The following NCKAP5 variants were observed in gnomAD, a reference collection of about 807,000 sequenced individuals.
NCKAP5 encodes the protein NCK associated protein 5, also known as nck-associated protein 5.
Under a neutral mutation model 167.0 loss-of-function variants are expected in NCKAP5, and 92 were observed. The observed-to-expected ratio is 0.55, with a 90% CI of 0.47 to 0.66. The LOEUF (loss-of-function observed/expected upper bound fraction) is 0.66. Among genes scored for constraint, NCKAP5 ranks in the 30% least tolerant of loss-of-function variants. The pLI, the probability that NCKAP5 is intolerant of heterozygous loss-of-function variation, is 0.00. For missense variants in NCKAP5, 2,378 were observed against 2,315.0 expected, an observed-to-expected ratio of 1.03 and a Z score of -0.56; for synonymous variants, 891 against 877.4, an observed-to-expected ratio of 1.02 and a Z score of -0.27.
chr2:133,030,661 AT>A (rs1250096959), intron 6 of NCKAP5, among the ~76,000 whole-genome samples: 5 of 152,174 alleles, frequency 3.3e-5, no homozygotes, highest in Non-Finnish European at 7.4e-5. Flanking sequence ...TGCAAATATT[AT>A]TTTTTATCAT....
At chr2:132,828,357 G>C (rs1687281200) in intron 11 of NCKAP5, among the ~76,000 whole-genome samples, 1 of 152,090 alleles carries the variant, frequency 6.6e-6, no homozygotes, top group Non-Finnish European at 1.5e-5. Context: ...GGATCAAGGG[G>C]GTGGATTTTC....
chr2:132,974,418 T>C (rs1444878868), intron 7 of NCKAP5, among the ~76,000 whole-genome samples: 2 of 152,192 alleles, frequency 1.3e-5, no homozygotes, highest in Non-Finnish European at 2.9e-5. Context: ...GTATAACATC[T>C]CAGGGTTAAA....
chr2:133,574,510 GC>G, the NCKAP5 span, among the ~76,000 whole-genome samples: 2 of 152,014 alleles, frequency 1.3e-5, no homozygotes, highest in Admixed American at 6.5e-5. Flanking sequence ...TGTTGAGAAA[GC>G]TTTTTAGTTA....
At chr2:133,352,748 C>A (rs1684455090) in intron 3 of NCKAP5, among the ~76,000 whole-genome samples, 1 of 152,144 alleles carries the variant, frequency 6.6e-6, no homozygotes, top group Non-Finnish European at 1.5e-5. Context: ...ATGTGGACTG[C>A]CAAAACTCAG....
the NCKAP5 span, among the ~76,000 whole-genome samples, chr2:133,611,142 C>T: frequency 7.9e-5 from 12 of 151,970 alleles, no homozygotes; most frequent in Non-Finnish European, 1.5e-4. Context: ...AAAGGCATTT[C>T]ACTCAAGAAC....
intron 3 of NCKAP5, among the ~76,000 whole-genome samples, chr2:133,334,272 C>T (rs116301092): frequency 0.014 from 2,085 of 152,050 alleles, 53 homozygotes; most frequent in African/African-American, 0.045. Flanking sequence ...CAGAGGATCA[C>T]GTGAATGAAT....
At chr2:133,452,963 T>A (rs1212246464) in intron 3 of NCKAP5, among the ~76,000 whole-genome samples, 1 of 152,148 alleles carries the variant, frequency 6.6e-6, no homozygotes, top group Non-Finnish European at 1.5e-5. Flanking sequence ...TCTTTTTCTC[T>A]CTCCTGCTAT....
chr2:132,990,177 A>G (rs942465252), intron 7 of NCKAP5, among the ~76,000 whole-genome samples: 3 of 152,240 alleles, frequency 2.0e-5, no homozygotes, highest in African/African-American at 7.2e-5. Context: ...ATTATTAAAA[A>G]TAAGCCTGAG....
intron 4 of NCKAP5, among the ~76,000 whole-genome samples, chr2:133,290,303 T>C (rs1679482706): frequency 6.6e-6 from 1 of 152,206 alleles, no homozygotes; most frequent in African/African-American, 2.4e-5. Context: ...TTTTTAAAAA[T>C]CTAAAATTGC....
chr2:132,703,597 C>T (rs900332817), intron 19 of NCKAP5, among the ~76,000 whole-genome samples: 1 of 152,110 alleles, frequency 6.6e-6, no homozygotes, highest in Non-Finnish European at 1.5e-5. Context: ...CGATGGCTGA[C>T]GTTGAAGACT....
intron 6 of NCKAP5, among the ~76,000 whole-genome samples, chr2:133,048,935 C>T (rs13431190): frequency 0.075 from 11,380 of 152,182 alleles, 453 homozygotes; most frequent in South Asian, 0.12. Flanking sequence ...AGACTTTGAA[C>T]CCTTGCTTTC....
At chr2:133,145,074 C>A (rs1275253348) in intron 5 of NCKAP5, among the ~76,000 whole-genome samples, 1 of 151,886 alleles carries the variant, frequency 6.6e-6, no homozygotes, top group African/African-American at 2.4e-5. Context: ...ATGCTAACAC[C>A]TTTAAATGCT....
chr2:133,530,400 T>C lies in NCKAP5; in HGVS notation c.-61-12813A>G, dbSNP rs188780634. Among the ~76,000 whole-genome samples the C allele has an allele frequency of 3.3e-3, 503 of 152,326 alleles. 3 individuals carry two copies. The highest frequency in any genetic ancestry group is 0.01 in the Middle Eastern group (3 of 294). On this transcript the variant is annotated intron_variant, in intron 2 of 19. Coordinates refer to ENST00000409261, the MANE Select transcript of NCKAP5 (RefSeq NM_207363.3). ...TTGGAATTTTTCTTGGCCATTTGTG[T>C]TCATTTTTGTCTTCCATATCAACTT...
chr2:133,271,086 AT>A (rs67497565), intron 4 of NCKAP5, among the ~76,000 whole-genome samples: 21,418 of 130,714 alleles, frequency 0.16, 1,666 homozygotes, highest in Middle Eastern at 0.23. Context: ...GGCCCGGCTA[AT>A]TTTTTTTTTT....
chr2:133,607,021 G>C, the NCKAP5 span, among the ~76,000 whole-genome samples: 277 of 152,268 alleles, frequency 1.8e-3, 1 homozygote, highest in African/African-American at 6.3e-3. Flanking sequence ...TGAGAATGAA[G>C]GACCTGAGAC....
chr2:133,651,180 C>A, the NCKAP5 span, among the ~76,000 whole-genome samples: 1 of 152,074 alleles, frequency 6.6e-6, no homozygotes. Flanking sequence ...TGGACTTCTG[C>A]ATAACAAAAC....
At chr2:133,383,960 C>T (rs1686731948) in intron 3 of NCKAP5, among the ~76,000 whole-genome samples, 1 of 152,092 alleles carries the variant, frequency 6.6e-6, no homozygotes, top group Non-Finnish European at 1.5e-5. Flanking sequence ...GATATTAGCC[C>T]TTTGTCAGAT....
chr2:133,653,834 G>A, the NCKAP5 span, among the ~76,000 whole-genome samples: 1 of 152,192 alleles, frequency 6.6e-6, no homozygotes, highest in Non-Finnish European at 1.5e-5. Context: ...GAGAAAAACA[G>A]AAATCAAAAG....
chr2:133,216,935 C>T lies in NCKAP5; in HGVS notation c.144-3156G>A, dbSNP rs929310097. Among the ~76,000 whole-genome samples the T allele has an allele frequency of 3.3e-5, 5 of 152,048 alleles. No individual in the cohort carries two copies. The South Asian group carries it at 6.2e-4, about 19-fold the overall frequency. On this transcript the variant is annotated intron_variant, in intron 4 of 19. Transcript: ENST00000409261. ...ATGTACTACTTTGATTAAAAAACTTCGCAAAACATGTATTTTTAAAAACCA... is the reference window on the plus strand; with the variant it reads ...ATGTACTACTTTGATTAAAAAACTTTGCAAAACATGTATTTTTAAAAACCA...
Sources: allele counts gnomAD v4.1 joint callset (sites outside exome capture counted in the v4.1 genomes callset), GRCh38; gene constraint gnomAD v4.1.1; transcripts MANE v1.5; gene names NCBI Gene and HGNC (gene_info 2026-07-23, HGNC 2026-07-21).